The following WDR41 variants were observed in gnomAD, a reference collection of about 807,000 sequenced individuals.
WDR41 encodes the protein WD repeat domain 41.
Under a neutral mutation model 69.3 loss-of-function variants are expected in WDR41, and 63 were observed. The observed-to-expected ratio is 0.91, with a 90% CI of 0.74 to 1.12. The LOEUF (loss-of-function observed/expected upper bound fraction) is 1.12. Ranked by LOEUF, WDR41 falls within the 50% of genes most tolerant of loss-of-function variation. The pLI, the probability that WDR41 is intolerant of heterozygous loss-of-function variation, is 0.00. For missense variants in WDR41, 543 were observed against 534.5 expected (o/e 1.02, Z -0.16); for synonymous variants, 185 against 192.1 (o/e 0.96, Z 0.31).
chr5:77,607,421 G>A (rs1204495448), intron 1 of WDR41, among the ~76,000 whole-genome samples: 1 of 152,230 alleles, frequency 6.6e-6, no homozygotes, highest in Non-Finnish European at 1.5e-5. Flanking sequence ...GACACTGAAA[G>A]ATACAGGGAA....
chr5:77,491,941 C>A (rs917343952), intron 1 of WDR41: 8 of 542,684 alleles, frequency 1.5e-5, no homozygotes, highest in Admixed American at 7.0e-5. Context: ...TGGGACGGGG[C>A]CGGGGGTCTG....
chr5:77,586,453 T>C (rs757578003), intron 1 of WDR41, among the ~76,000 whole-genome samples: 1 of 152,008 alleles, frequency 6.6e-6, no homozygotes, highest in African/African-American at 2.4e-5. Flanking sequence ...ACTACAGGTG[T>C]GTGCCATCAG....
intron 1 of WDR41, among the ~76,000 whole-genome samples, chr5:77,599,890 G>T (rs1208087353): frequency 6.6e-6 from 1 of 152,184 alleles, no homozygotes; most frequent in Non-Finnish European, 1.5e-5. Flanking sequence ...ACAAATAACT[G>T]TCAAGGGCCC....
At chr5:77,470,136 A>G (rs937624119) in intron 2 of WDR41, among the ~76,000 whole-genome samples, 2 of 151,892 alleles carry the variant, frequency 1.3e-5, no homozygotes, top group African/African-American at 2.4e-5. Flanking sequence ...ACATTCTTAA[A>G]GAAAAGAATT....
chr5:77,556,449 G>A (rs948336942), intron 1 of WDR41, among the ~76,000 whole-genome samples: 4 of 151,954 alleles, frequency 2.6e-5, no homozygotes, highest in African/African-American at 7.2e-5. Flanking sequence ...GCTCTACTGC[G>A]CAGGCCAGAG....
At chr5:77,495,958 T>C (rs1381758698), upstream of WDR41, among the ~76,000 whole-genome samples, 2 of 152,078 alleles carry the variant, frequency 1.3e-5, no homozygotes, top group African/African-American at 4.8e-5. Context: ...GGAAGAGTGG[T>C]TCAGTATAAG....
chr5:77,552,005 TAA>T (rs1215338047), intron 1 of WDR41, among the ~76,000 whole-genome samples: 1 of 58,366 alleles, frequency 1.7e-5, no homozygotes, highest in Non-Finnish European at 3.4e-5. Context: ...TAAAATAAAA[TAA>T]AATAAAATAA....
chr5:77,433,474 TTTG>T (rs1218547811), intron 12 of WDR41, among the ~76,000 whole-genome samples, 187 bp from the exon 13 acceptor site: 3 of 152,214 alleles, frequency 2.0e-5, no homozygotes, highest in Non-Finnish European at 2.9e-5. Flanking sequence ...TAATCAGAAT[TTTG>T]TTAATATTGT....
intron 1 of WDR41, among the ~76,000 whole-genome samples, chr5:77,561,380 A>G (rs1221000439): frequency 6.6e-6 from 1 of 152,216 alleles, no homozygotes; most frequent in Non-Finnish European, 1.5e-5. Context: ...ATTAACCTAG[A>G]TAATTAATTC....
intron 2 of WDR41, among the ~76,000 whole-genome samples, chr5:77,473,774 T>A (rs1413113930): frequency 6.6e-6 from 1 of 152,102 alleles, no homozygotes; most frequent in East Asian, 1.9e-4. Context: ...AGAATGGCGA[T>A]CATTAAAAAG....
chr5:77,575,043 T>C (rs1397480469), intron 1 of WDR41, among the ~76,000 whole-genome samples: 1 of 152,070 alleles, frequency 6.6e-6, no homozygotes. Context: ...TAAAATGCAT[T>C]CAGAAAATTT....
upstream of WDR41, among the ~76,000 whole-genome samples, chr5:77,494,184 T>C (rs1046618333): frequency 1.3e-5 from 2 of 152,030 alleles, no homozygotes; most frequent in Non-Finnish European, 2.9e-5. Context: ...TAAATGGAAA[T>C]GATCAGGGAA....
chr5:77,490,020 T>C (rs938452529), intron 1 of WDR41, among the ~76,000 whole-genome samples: 2 of 152,150 alleles, frequency 1.3e-5, no homozygotes, highest in Non-Finnish European at 2.9e-5. Context: ...ACTCAATACA[T>C]GCTTGCTAAA....
intron 11 of WDR41, among the ~76,000 whole-genome samples, chr5:77,437,074 T>A (rs1798963843): frequency 6.6e-6 from 1 of 152,194 alleles, no homozygotes. Context: ...GGCCATTTGG[T>A]CATTCAGATT....
At chr5:77,527,657 T>C (rs1802468544) in intron 1 of WDR41, among the ~76,000 whole-genome samples, 1 of 151,936 alleles carries the variant, frequency 6.6e-6, no homozygotes, top group Non-Finnish European at 1.5e-5. Context: ...ATTGAGTTTG[T>C]TAAAAATTTC....
At chr5:77,584,233 A>G (rs1307589463) in intron 1 of WDR41, among the ~76,000 whole-genome samples, 1 of 152,194 alleles carries the variant, frequency 6.6e-6, no homozygotes, top group Non-Finnish European at 1.5e-5. Flanking sequence ...TGGAGGTTAC[A>G]GGCAGGGCAA....
intron 1 of WDR41, among the ~76,000 whole-genome samples, chr5:77,607,812 T>A (rs1744452385): frequency 6.6e-6 from 1 of 152,260 alleles, no homozygotes; most frequent in Admixed American, 6.5e-5. Context: ...AAATACTTTT[T>A]GCTGACTTTG....
intron 2 of WDR41, among the ~76,000 whole-genome samples, chr5:77,472,475 A>G (rs914881626): frequency 2.0e-5 from 3 of 151,526 alleles, no homozygotes; most frequent in African/African-American, 7.3e-5. Context: ...GAAAAGAGGA[A>G]GTCAAATTGT....
intron 1 of WDR41, among the ~76,000 whole-genome samples, chr5:77,527,175 C>T (rs1802461540): frequency 6.6e-6 from 1 of 151,780 alleles, no homozygotes; most frequent in African/African-American, 2.4e-5. Flanking sequence ...TATTAGTGGA[C>T]TCAATACTCT....
Sources: gnomAD v4.1 joint callset for allele counts (sites outside exome capture counted in the v4.1 genomes callset) on GRCh38, gnomAD v4.1.1 for gene constraint, MANE v1.5 for transcripts, NCBI Gene and HGNC (gene_info 2026-07-23, HGNC 2026-07-21) for gene names.